Variants in ARID2 observed in about 807,000 individuals in gnomAD.
The protein encoded by ARID2 is AT-rich interaction domain 2.
Under a neutral mutation model 184.6 loss-of-function variants are expected in ARID2, and 32 were observed. The observed-to-expected ratio is 0.17, with a 90% confidence interval of 0.13 to 0.23. The LOEUF (loss-of-function observed/expected upper bound fraction) is 0.23, where lower values mean the gene tolerates loss of function less well. Among genes scored for constraint, ARID2 ranks in the 10% least tolerant of loss-of-function variants. ARID2 has a pLI of 1.00. For synonymous variants in ARID2, 836 were observed against 772.6 expected, an observed-to-expected ratio of 1.08 and a Z score of -1.36; for missense variants, 1,696 against 2,197.6, an observed-to-expected ratio of 0.77 and a Z score of 4.56.
At chr12:45,790,840 A>G (rs538969438) in intron 3 of ARID2, among the ~76,000 whole-genome samples, 4 of 152,174 alleles carry the variant, frequency 2.6e-5, no homozygotes, top group Non-Finnish European at 4.4e-5. Flanking sequence ...TCATTTAGAT[A>G]TGATTTTTTT....
intron 12 of ARID2, 56 bp downstream of exon 12, chr12:45,846,993 A>T: frequency 1.3e-6 from 2 of 1,510,484 alleles, no homozygotes; most frequent in South Asian, 2.3e-5. Flanking sequence ...AGCAAAGAAA[A>T]AAAGGAAATG....
chr12:45,792,781 T>C (rs1043717804), intron 3 of ARID2, among the ~76,000 whole-genome samples: 1 of 152,180 alleles, frequency 6.6e-6, no homozygotes, highest in African/African-American at 2.4e-5. Context: ...TATAGTATTA[T>C]TATAAAATTT....
At chr12:45,746,783 T>C (rs1287344923) in intron 3 of ARID2, among the ~76,000 whole-genome samples, 4 of 152,108 alleles carry the variant, frequency 2.6e-5, no homozygotes, top group African/African-American at 9.7e-5. Context: ...TATTTTTTTT[T>C]TGAGACGGAG....
At chr12:45,770,161 G>T (rs988200794) in intron 3 of ARID2, among the ~76,000 whole-genome samples, 1 of 151,962 alleles carries the variant, frequency 6.6e-6, no homozygotes, top group Non-Finnish European at 1.5e-5. Flanking sequence ...GCTGAGGCAG[G>T]AGAATGGCGT....
At position 45,899,672 on chromosome 12, in the gene ARID2, TATATATGGTTATATATATATGG is replaced by T. The variant is rs1292028389; in HGVS notation, c.5364-5261_5364-5240del. Among the ~76,000 whole-genome samples the T allele has an allele frequency of 3.3e-3, 48 of 14,710 alleles. No individual in the cohort carries two copies. The South Asian group carries it at 0.065, about 20-fold the overall frequency. 9.7% of individuals were successfully genotyped at this position (14,710 alleles called of 152,430 possible). ...ATTTGGTTATATATATATATATGGT[TATATATGGTTATATATATATGG>T]TTATATATATATATGGTTATATATA... On this transcript the variant is annotated intron_variant, in intron 20 of 20. Coordinates refer to ENST00000334344, the MANE Select transcript of ARID2 (RefSeq NM_152641.4).
intron 3 of ARID2, among the ~76,000 whole-genome samples, chr12:45,733,008 G>A (rs566459328): frequency 1.3e-5 from 2 of 151,978 alleles, no homozygotes; most frequent in Non-Finnish European, 2.9e-5. Context: ...TTTCAACATT[G>A]TAAGTATTTA....
At chr12:45,893,747 A>G in intron 20 of ARID2, 26 bp downstream of exon 20, 1 of 1,476,322 alleles carries the variant, frequency 6.8e-7, no homozygotes, top group Non-Finnish European at 9.1e-7. Flanking sequence ...TCTGTAGCCA[A>G]AGTGAATTTA....
chr12:45,768,515 G>C (rs1165225947), intron 3 of ARID2, among the ~76,000 whole-genome samples: 2 of 152,200 alleles, frequency 1.3e-5, no homozygotes, highest in Non-Finnish European at 2.9e-5. Context: ...CCTAGGGGGA[G>C]AAGTATGCTG....
chr12:45,802,286 C>T (rs1565601774), intron 3 of ARID2, among the ~76,000 whole-genome samples: 1 of 151,990 alleles, frequency 6.6e-6, no homozygotes, highest in Non-Finnish European at 1.5e-5. Flanking sequence ...AGGCTGGTCT[C>T]AAAACTCTTG....
At chr12:45,736,346 G>A (rs748374342) in intron 3 of ARID2, among the ~76,000 whole-genome samples, 2 of 147,526 alleles carry the variant, frequency 1.4e-5, no homozygotes, top group Non-Finnish European at 3.0e-5. Flanking sequence ...GACAGAGCGA[G>A]ACTCCGTCTG....
chr12:45,817,403 A>G (rs1942821326), intron 4 of ARID2, among the ~76,000 whole-genome samples: 2 of 152,006 alleles, frequency 1.3e-5, no homozygotes, highest in Admixed American at 1.3e-4. Context: ...ATTCAAAAAT[A>G]TTTTGGCAAT....
At chr12:45,889,254 T>C (rs1332898349) in intron 16 of ARID2, among the ~76,000 whole-genome samples, 1 of 152,196 alleles carries the variant, frequency 6.6e-6, no homozygotes, top group Non-Finnish European at 1.5e-5. Flanking sequence ...ATTATATCAG[T>C]AACAGTCCCA....
intron 12 of ARID2, 86 bp from the exon 13 acceptor site, chr12:45,848,749 CA>C: frequency 1.7e-6 from 2 of 1,169,974 alleles, no homozygotes; most frequent in South Asian, 4.8e-5. Flanking sequence ...TTAGTTTTAA[CA>C]CATTGCCTCC....
chr12:45,780,282 C>T (rs1452405236), intron 3 of ARID2, among the ~76,000 whole-genome samples: 1 of 152,116 alleles, frequency 6.6e-6, no homozygotes, highest in Non-Finnish European at 1.5e-5. Context: ...TAACCATAAA[C>T]AAGTGTTTAA....
intron 16 of ARID2, among the ~76,000 whole-genome samples, 171 bp downstream of exon 16, chr12:45,861,120 T>A (rs983792087): frequency 3.9e-5 from 6 of 152,200 alleles, no homozygotes; most frequent in Non-Finnish European, 7.3e-5. Flanking sequence ...AACTAAGAAA[T>A]TTATATATAA....
chr12:45,784,904 C>G (rs989001635), intron 3 of ARID2, among the ~76,000 whole-genome samples: 5 of 152,028 alleles, frequency 3.3e-5, no homozygotes, highest in Non-Finnish European at 7.4e-5. Context: ...AATGTTATTC[C>G]TTTTTTCAGG....
At chr12:45,738,560 C>G (rs1941176572) in intron 3 of ARID2, among the ~76,000 whole-genome samples, 1 of 152,192 alleles carries the variant, frequency 6.6e-6, no homozygotes, top group Non-Finnish European at 1.5e-5. Context: ...ATCCACCCAT[C>G]TTGACCTCCC....
intron 3 of ARID2, among the ~76,000 whole-genome samples, chr12:45,764,671 A>G (rs950673865): frequency 2.6e-5 from 4 of 152,252 alleles, no homozygotes; most frequent in Non-Finnish European, 4.4e-5. Context: ...TGAGATTTAT[A>G]CATAGTGCCT....
chr12:45,766,658 C>T (rs1052057892), intron 3 of ARID2, among the ~76,000 whole-genome samples: 5 of 151,962 alleles, frequency 3.3e-5, no homozygotes, highest in African/African-American at 1.2e-4. Context: ...GGACTACAGG[C>T]ACCCACCACC....
Sources: allele counts gnomAD v4.1 joint callset (sites outside exome capture counted in the v4.1 genomes callset), GRCh38; gene constraint gnomAD v4.1.1; transcripts MANE v1.5; gene names NCBI Gene and HGNC (gene_info 2026-07-23, HGNC 2026-07-21).